Variants in GRIA4 observed in about 807,000 individuals in gnomAD.
The protein encoded by GRIA4 is glutamate ionotropic receptor AMPA type subunit 4.
In GRIA4, 34 loss-of-function variants were observed where a neutral mutation model predicts 104.0. That is an observed-to-expected ratio of 0.33 (90% CI 0.25 to 0.44). The LOEUF is 0.44. Among genes scored for constraint, GRIA4 ranks in the 20% least tolerant of loss-of-function variants. The probability of loss-of-function intolerance (pLI) is 1.00; values close to 1 mark genes in which losing one functional copy is unlikely to be tolerated. For synonymous variants in GRIA4, 386 were observed against 381.9 expected (o/e 1.01, Z -0.13); for missense variants, 750 against 1,096.5 (o/e 0.68, Z 4.46).
intron 4 of GRIA4, among the ~76,000 whole-genome samples, chr11:105,849,786 A>G (rs1944731566): frequency 6.6e-6 from 1 of 152,184 alleles, no homozygotes; most frequent in African/African-American, 2.4e-5. Flanking sequence ...ATAGGCATTA[A>G]TATCTCAAAC....
chr11:105,822,468 C>A (rs191082365), intron 4 of GRIA4, among the ~76,000 whole-genome samples: 1 of 152,184 alleles, frequency 6.6e-6, no homozygotes, highest in East Asian at 1.9e-4. Context: ...GAAATTTGTT[C>A]TCATTACCTT....
chr11:105,851,707 T>C (rs1013535366), intron 4 of GRIA4, among the ~76,000 whole-genome samples: 12 of 152,192 alleles, frequency 7.9e-5, no homozygotes, highest in Admixed American at 5.2e-4. Context: ...CAATCTTCAG[T>C]ATGAGTTGAG....
chr11:105,692,257 A>T (rs4755111), intron 3 of GRIA4, among the ~76,000 whole-genome samples: 114,213 of 150,902 alleles, frequency 0.76, 44,951 homozygotes, highest in Non-Finnish European at 0.87. Flanking sequence ...CTTTTTTTTA[A>T]AAAAAAAAAG....
chr11:105,746,161 A>T (rs2135672030), intron 3 of GRIA4, among the ~76,000 whole-genome samples: 1 of 152,130 alleles, frequency 6.6e-6, no homozygotes, highest in African/African-American at 2.4e-5. Flanking sequence ...GAAAAAAGAC[A>T]AGTAATTGTA....
At chr11:105,835,202 AAATT>A (rs2135943071) in intron 4 of GRIA4, among the ~76,000 whole-genome samples, 1 of 152,076 alleles carries the variant, frequency 6.6e-6, no homozygotes, top group East Asian at 1.9e-4. Flanking sequence ...TAGAAAGAAA[AAATT>A]AATTATATTG....
intron 4 of GRIA4, among the ~76,000 whole-genome samples, chr11:105,825,108 C>G (rs1012667989): frequency 6.6e-6 from 1 of 151,970 alleles, no homozygotes; most frequent in Non-Finnish European, 1.5e-5. Flanking sequence ...TTCCAAGTGT[C>G]GAACCAAAAA....
At chr11:105,848,189 T>C (rs1396320845) in intron 4 of GRIA4, among the ~76,000 whole-genome samples, 1 of 152,148 alleles carries the variant, frequency 6.6e-6, no homozygotes, top group African/African-American at 2.4e-5. Flanking sequence ...TTTGTCTAAA[T>C]GTAAAAGAAG....
intron 4 of GRIA4, among the ~76,000 whole-genome samples, chr11:105,791,942 T>A (rs1473857213): frequency 6.6e-6 from 1 of 152,162 alleles, no homozygotes; most frequent in African/African-American, 2.4e-5. Flanking sequence ...GGGAATTTCA[T>A]GTAAGACAGT....
chr11:105,615,053 TG>T (rs894335427), intron 3 of GRIA4, among the ~76,000 whole-genome samples: 70 of 151,942 alleles, frequency 4.6e-4, no homozygotes, highest in African/African-American at 1.6e-3. Context: ...AGACATAATA[TG>T]TGGCTGGTTA....
intron 12 of GRIA4, among the ~76,000 whole-genome samples, chr11:105,925,614 T>C (rs1162202585): frequency 6.6e-6 from 1 of 152,100 alleles, no homozygotes. Flanking sequence ...TCTTAAGACC[T>C]AGGAAAATTA....
intron 3 of GRIA4, among the ~76,000 whole-genome samples, chr11:105,690,355 T>A (rs1953039595): frequency 6.6e-6 from 1 of 152,218 alleles, no homozygotes; most frequent in South Asian, 2.1e-4. Context: ...TTTTGTTTTC[T>A]TTAAGGAATT....
intron 11 of GRIA4, among the ~76,000 whole-genome samples, chr11:105,923,232 C>T (rs1282457708): frequency 6.6e-6 from 1 of 152,100 alleles, no homozygotes; most frequent in African/African-American, 2.4e-5. Flanking sequence ...AATAAACAAT[C>T]AAAACTCCCT....
intron 10 of GRIA4, among the ~76,000 whole-genome samples, chr11:105,917,795 T>C (rs930540805): frequency 6.7e-6 from 1 of 148,284 alleles, no homozygotes; most frequent in African/African-American, 2.5e-5. Flanking sequence ...AGTGCATGTC[T>C]TTTAATGGTT....
At chr11:105,880,021 A>C (rs1365477592) in intron 5 of GRIA4, among the ~76,000 whole-genome samples, 1 of 152,130 alleles carries the variant, frequency 6.6e-6, no homozygotes, top group Non-Finnish European at 1.5e-5. Context: ...GAAAGGAAGG[A>C]ATTACCCCTT....
At chr11:105,640,873 A>G (rs1951340206) in intron 3 of GRIA4, among the ~76,000 whole-genome samples, 1 of 152,026 alleles carries the variant, frequency 6.6e-6, no homozygotes, top group African/African-American at 2.4e-5. Flanking sequence ...GTTTCTCAAT[A>G]TTCCATTTCC....
intron 4 of GRIA4, among the ~76,000 whole-genome samples, chr11:105,847,398 G>C (rs1455788141): frequency 6.6e-6 from 1 of 152,128 alleles, no homozygotes; most frequent in Admixed American, 6.6e-5. Context: ...TCACGGGTTG[G>C]GGACCTCTGC....
intron 4 of GRIA4, among the ~76,000 whole-genome samples, chr11:105,818,220 G>A (rs182460376): frequency 6.6e-6 from 1 of 152,198 alleles, no homozygotes; most frequent in Non-Finnish European, 1.5e-5. Context: ...TTAGAAAAAG[G>A]TGATGTTTGG....
intron 3 of GRIA4, among the ~76,000 whole-genome samples, chr11:105,718,779 T>A (rs1051979327): frequency 1.3e-4 from 20 of 152,144 alleles, no homozygotes; most frequent in African/African-American, 4.8e-4. Context: ...ACGCATGATT[T>A]TCCATTCCAC....
intron 3 of GRIA4, among the ~76,000 whole-genome samples, chr11:105,683,261 G>C (rs1240106825): frequency 6.6e-6 from 1 of 151,354 alleles, no homozygotes; most frequent in Non-Finnish European, 1.5e-5. Context: ...ATATATCCTT[G>C]TATATGATGC....
Sources: allele counts gnomAD v4.1 joint callset (sites outside exome capture counted in the v4.1 genomes callset), GRCh38; gene constraint gnomAD v4.1.1; transcripts MANE v1.5; gene names NCBI Gene and HGNC (gene_info 2026-07-23, HGNC 2026-07-21).